Variants in PARD3 observed in about 807,000 individuals in gnomAD.
PARD3 encodes par-3 family cell polarity regulator, also known as partitioning defective 3 homolog.
A neutral mutation model predicts 155.4 loss-of-function variants in PARD3; 75 were observed. The observed-to-expected ratio is 0.48, with a 90% CI of 0.40 to 0.58. The LOEUF is 0.58. Among genes scored for constraint, PARD3 ranks in the 20% least tolerant of loss-of-function variants. The probability of loss-of-function intolerance (pLI) is 0.00; values close to 1 mark genes in which losing one functional copy is unlikely to be tolerated. For missense variants in PARD3, 1,642 were observed against 1,721.7 expected (o/e 0.95, Z 0.82); for synonymous variants, 576 against 610.5 (o/e 0.94, Z 0.83).
chr10:34,581,381 C>A (rs2134258409), intron 2 of PARD3, among the ~76,000 whole-genome samples: 1 of 151,732 alleles, frequency 6.6e-6, no homozygotes, highest in African/African-American at 2.4e-5. Flanking sequence ...ACTACAGGCA[C>A]CTGCCACTGC....
At chr10:34,624,558 G>T (rs1306241550) in intron 2 of PARD3, among the ~76,000 whole-genome samples, 1 of 152,228 alleles carries the variant, frequency 6.6e-6, no homozygotes, top group Non-Finnish European at 1.5e-5. Context: ...CTCAGCGGCT[G>T]ATGTAGCCAG....
intron 22 of PARD3, among the ~76,000 whole-genome samples, chr10:34,138,810 A>G (rs1948034537): frequency 6.6e-6 from 1 of 152,126 alleles, no homozygotes; most frequent in Non-Finnish European, 1.5e-5. Context: ...ACAAAATTCT[A>G]TTCCAAATGC....
At chr10:34,113,299 C>T (rs926868467) in intron 24 of PARD3, among the ~76,000 whole-genome samples, 2 of 152,126 alleles carry the variant, frequency 1.3e-5, no homozygotes, top group Non-Finnish European at 2.9e-5. Context: ...TCTGCATCAT[C>T]CCCGGAAGAC....
chr10:34,632,237 C>A (rs1002638820), intron 2 of PARD3, among the ~76,000 whole-genome samples: 3 of 152,206 alleles, frequency 2.0e-5, no homozygotes, highest in Non-Finnish European at 2.9e-5. Flanking sequence ...CCAGCCTGGG[C>A]TACAAAGCAA....
At chr10:34,419,051 C>T (rs1306081717) in intron 5 of PARD3, among the ~76,000 whole-genome samples, 1 of 151,906 alleles carries the variant, frequency 6.6e-6, no homozygotes, top group Non-Finnish European at 1.5e-5. Context: ...GCTGGGATTA[C>T]AGGCAGGAAC....
intron 1 of PARD3, among the ~76,000 whole-genome samples, chr10:34,812,675 C>T (rs1339208042): frequency 1.3e-5 from 2 of 152,024 alleles, no homozygotes; most frequent in Non-Finnish European, 2.9e-5. Context: ...CTGCAAAGCC[C>T]CCGTTAAAAT....
chr10:34,523,051 T>G (rs1273373530), intron 2 of PARD3, among the ~76,000 whole-genome samples: 1 of 152,198 alleles, frequency 6.6e-6, no homozygotes, highest in African/African-American at 2.4e-5. Context: ...TTAATGCAAT[T>G]TTGATGACAC....
chr10:34,755,437 G>A (rs1335551067), intron 1 of PARD3, among the ~76,000 whole-genome samples: 1 of 151,920 alleles, frequency 6.6e-6, no homozygotes, highest in Non-Finnish European at 1.5e-5. Context: ...AAAAAGAATT[G>A]CTGGGCCGAT....
At chr10:34,398,254 G>C (rs1282047573) in intron 7 of PARD3, among the ~76,000 whole-genome samples, 1 of 152,028 alleles carries the variant, frequency 6.6e-6, no homozygotes, top group East Asian at 1.9e-4. Flanking sequence ...CAAGTAACAA[G>C]AAAGTACTAC....
chr10:34,435,077 T>C (rs2076121460), intron 5 of PARD3, among the ~76,000 whole-genome samples: 1 of 152,180 alleles, frequency 6.6e-6, no homozygotes, highest in South Asian at 2.1e-4. Context: ...TCTAAACACT[T>C]ACATGCAATT....
chr10:34,337,731 TAAA>T (rs755745450), intron 16 of PARD3, among the ~76,000 whole-genome samples: 3 of 152,218 alleles, frequency 2.0e-5, no homozygotes, highest in Non-Finnish European at 4.4e-5. Context: ...AAGATGATCA[TAAA>T]AAATGAGCCT....
At chr10:34,244,920 A>C (rs1234015474) in intron 22 of PARD3, among the ~76,000 whole-genome samples, 2 of 152,086 alleles carry the variant, frequency 1.3e-5, no homozygotes, top group African/African-American at 4.8e-5. Flanking sequence ...CTTACAGGAG[A>C]GCTTGCCTTG....
chr10:34,690,033 C>T (rs2094024994), intron 2 of PARD3, among the ~76,000 whole-genome samples: 1 of 152,046 alleles, frequency 6.6e-6, no homozygotes, highest in Non-Finnish European at 1.5e-5. Context: ...AACCTCCGTC[C>T]CCTGGGTTCA....
intron 18 of PARD3, 83 bp from the exon 19 acceptor site, chr10:34,331,427 T>G: frequency 1.3e-6 from 1 of 766,276 alleles, no homozygotes; most frequent in Non-Finnish European, 2.2e-6. Context: ...AAACTTCAGG[T>G]ACATAACAAT....
chr10:34,565,413 G>A (rs961870257), intron 2 of PARD3, among the ~76,000 whole-genome samples: 6 of 151,388 alleles, frequency 4.0e-5, no homozygotes, highest in East Asian at 1.9e-4. Context: ...GATTACAGGC[G>A]TGAGATACCA....
intron 24 of PARD3, among the ~76,000 whole-genome samples, chr10:34,118,558 C>T (rs373762932): frequency 6.6e-6 from 1 of 152,084 alleles, no homozygotes; most frequent in African/African-American, 2.4e-5. Flanking sequence ...GTTGCCCAGG[C>T]TGGTCTCGAA....
intron 3 of PARD3, among the ~76,000 whole-genome samples, chr10:34,501,550 T>C (rs1231987011): frequency 3.3e-5 from 5 of 152,220 alleles, no homozygotes; most frequent in Non-Finnish European, 7.4e-5. Context: ...TACTGTTCAT[T>C]ACTTTCCTTC....
chr10:34,435,507 T>C (rs2076144417), intron 5 of PARD3, among the ~76,000 whole-genome samples: 2 of 152,230 alleles, frequency 1.3e-5, no homozygotes, highest in African/African-American at 4.8e-5. Context: ...TTTCATGGTA[T>C]GAGAAAGGTT....
At chr10:34,657,976 C>G (rs2093223198) in intron 2 of PARD3, among the ~76,000 whole-genome samples, 2 of 152,012 alleles carry the variant, frequency 1.3e-5, no homozygotes, top group South Asian at 4.2e-4. Context: ...GAAACCCTGT[C>G]TCTACTGAAA....
Sources: gnomAD v4.1 joint callset for allele counts (sites outside exome capture counted in the v4.1 genomes callset) on GRCh38, gnomAD v4.1.1 for gene constraint, MANE v1.5 for transcripts, NCBI Gene and HGNC (gene_info 2026-07-23, HGNC 2026-07-21) for gene names.